Variants in EPS15L1 observed in about 807,000 individuals in gnomAD.
The protein encoded by EPS15L1 is epidermal growth factor receptor substrate 15-like 1.
Under a neutral mutation model 117.1 loss-of-function variants are expected in EPS15L1, and 43 were observed. The observed-to-expected ratio is 0.37, with a 90% CI of 0.29 to 0.47. The LOEUF (loss-of-function observed/expected upper bound fraction) is 0.47, where lower values mean the gene tolerates loss of function less well. Among genes scored for constraint, EPS15L1 ranks in the 20% least tolerant of loss-of-function variants. The pLI is 0.99. For synonymous variants in EPS15L1, 459 were observed against 470.5 expected (o/e 0.98, Z 0.32); for missense variants, 981 against 1,164.0 (o/e 0.84, Z 2.29).
At chr19:16,373,834 G>C (rs1311187635) in intron 22 of EPS15L1, among the ~76,000 whole-genome samples, 1 of 152,216 alleles carries the variant, frequency 6.6e-6, no homozygotes, top group African/African-American at 2.4e-5. Context: ...TCAGTGTTTG[G>C]ACTGTTAGAG....
At chr19:16,415,970 G>A (rs1459127082) in intron 12 of EPS15L1, among the ~76,000 whole-genome samples, 1 of 152,186 alleles carries the variant, frequency 6.6e-6, no homozygotes, top group Non-Finnish European at 1.5e-5. Flanking sequence ...ACGGCCCCCA[G>A]GAGCTGAGAC....
intron 19 of EPS15L1, among the ~76,000 whole-genome samples, chr19:16,388,655 G>A (rs543812783): frequency 2.6e-5 from 4 of 152,020 alleles, no homozygotes; most frequent in Admixed American, 6.6e-5. Flanking sequence ...GTCAAACCCC[G>A]TCTCTACTAA....
intron 11 of EPS15L1, 109 bp downstream of exon 11, chr19:16,417,839 C>T (rs892508742): frequency 6.9e-7 from 1 of 1,457,846 alleles, no homozygotes; most frequent in Admixed American, 2.0e-5. Context: ...AAGGCAGGGA[C>T]CACAGGCAGC....
In EPS15L1 at chr19:16,393,542, G is replaced by A. The variant is rs368691237; in HGVS notation, c.1966+409C>T. Among the ~76,000 whole-genome samples the A allele has an allele frequency of 1.3e-4, 19 of 151,032 alleles. No individual in the cohort carries two copies. The East Asian group carries it at 2.9e-3, about 23-fold the overall frequency. ...CGGGCGCCTGTAGTCCCAGCTACTT[G>A]GGAGGCTGAGGCAGGAGAATGGCGT... On this transcript the variant is annotated intron_variant, in intron 18 of 23. Coordinates refer to ENST00000455140, the MANE Select transcript of EPS15L1 (RefSeq NM_001258374.3).
At chr19:16,441,847 G>C (rs370451594) in intron 3 of EPS15L1, 45 bp downstream of exon 3, 13 of 1,512,108 alleles carry the variant, frequency 8.6e-6, no homozygotes, top group Admixed American at 5.2e-5. Flanking sequence ...GGGGGGAGCT[G>C]TGAGGGCAGC....
At position 16,383,102 on chromosome 19, in the gene EPS15L1, T is replaced by C. The variant is rs1255837774; in HGVS notation, c.2247+2027A>G. 1 of 152,180 alleles carries C rather than the reference T, an allele frequency of 6.6e-6. No individual in the cohort carries two copies. The highest frequency in any genetic ancestry group is 1.5e-5 in the Non-Finnish European group (1 of 68,038). 9.4% of individuals were successfully genotyped at this position (152,180 alleles called of 1,614,324 possible). On this transcript the variant is annotated intron_variant, in intron 21 of 23. Transcript: ENST00000455140. This position sits in a 1 kb window ranked among gnomAD's most constrained non-coding sequence, Gnocchi z 5.2. ...GTCAGGGTTGAGCTCAGAATGCGGC[T>C]GTACAAGTGTCATGAAGGCAGCTGA...
intron 22 of EPS15L1, among the ~76,000 whole-genome samples, chr19:16,364,869 G>A (rs568108017): frequency 1.4e-4 from 22 of 152,312 alleles, no homozygotes; most frequent in African/African-American, 3.8e-4. Flanking sequence ...CCACCAGCTC[G>A]GCTCCCTTCC....
intron 1 of EPS15L1, among the ~76,000 whole-genome samples, chr19:16,469,400 C>T (rs992216773): frequency 6.6e-6 from 1 of 151,976 alleles, no homozygotes; most frequent in Admixed American, 6.6e-5. Context: ...GAGGGGCCAC[C>T]GGTAACCTCG....
chr19:16,450,018 T>A (rs2093124456), intron 1 of EPS15L1, among the ~76,000 whole-genome samples: 1 of 150,910 alleles, frequency 6.6e-6, no homozygotes, highest in Non-Finnish European at 1.5e-5. Context: ...GGGAAGTGGG[T>A]GTGGCTATAA....
intron 16 of EPS15L1, among the ~76,000 whole-genome samples, chr19:16,397,081 T>TTTTC (rs893408806): frequency 1.3e-5 from 2 of 152,056 alleles, no homozygotes; most frequent in East Asian, 1.9e-4. Flanking sequence ...TTATGTCTAT[T>TTTTC]TTTCTTTCTT....
intron 11 of EPS15L1, 89 bp downstream of exon 11, chr19:16,417,859 C>A: frequency 6.6e-7 from 1 of 1,514,816 alleles, no homozygotes; most frequent in Non-Finnish European, 8.9e-7. Flanking sequence ...CACCCGCCAC[C>A]GTGGGCTCAT....
At chr19:16,432,567 C>CAAATAAAT (rs569246288) in intron 7 of EPS15L1, among the ~76,000 whole-genome samples, 5 of 151,140 alleles carry the variant, frequency 3.3e-5, no homozygotes, top group African/African-American at 4.9e-5. Flanking sequence ...GACTCTGTCT[C>CAAATAAAT]AAATAAATAA....
Position 16,471,900 on chromosome 19 carries a change from G to T in EPS15L1, c.33+13C>A. On this transcript the variant is annotated intron_variant, in intron 1 of 23. Transcript: ENST00000455140. The surrounding 1 kb of genome is among the most constrained non-coding windows in gnomAD (Gnocchi z 4.8). ...GCACCCCGGCGCCGCCCCCAGGCCC[G>T]CCCGGCCCGTACCTGCTGGGAGAGG... is the stretch of plus-strand genomic sequence containing the variant. The T allele has an allele frequency of 7.7e-7, 1 of 1,300,950 alleles. No homozygotes were observed. The highest frequency in any genetic ancestry group is 9.8e-7 in the Non-Finnish European group (1 of 1,023,828). The allele number at this position is 1,300,950 out of a possible 1,614,324, so 80.6% of individuals were successfully genotyped here.
At chr19:16,393,299 A>C (rs1159584599) in intron 18 of EPS15L1, among the ~76,000 whole-genome samples, 2 of 151,908 alleles carry the variant, frequency 1.3e-5, no homozygotes, top group African/African-American at 4.8e-5. Context: ...GCTCAATACC[A>C]CTGAATTGGA....
intron 22 of EPS15L1, among the ~76,000 whole-genome samples, chr19:16,369,676 A>AGTGTGTGTGTGTGTGT (rs10543332): frequency 0.033 from 4,860 of 146,042 alleles, 82 homozygotes; most frequent in African/African-American, 0.039. Flanking sequence ...AAGAAAAAAA[A>AGTGTGTGTGTGTGTGT]GTGTGTGTGT....
chr19:16,422,456 T>C (rs1427036934), intron 9 of EPS15L1, among the ~76,000 whole-genome samples: 1 of 152,068 alleles, frequency 6.6e-6, no homozygotes, highest in Admixed American at 6.6e-5. Context: ...TTTTAAACAA[T>C]CTCATAATAG....
intron 16 of EPS15L1, among the ~76,000 whole-genome samples, chr19:16,398,215 C>T (rs1034457226): frequency 2.0e-5 from 3 of 152,206 alleles, no homozygotes; most frequent in Non-Finnish European, 4.4e-5. Flanking sequence ...GCCGCTTCCT[C>T]GGCCCCCACT....
intron 21 of EPS15L1, among the ~76,000 whole-genome samples, chr19:16,377,718 G>C (rs2092313640): frequency 6.6e-6 from 1 of 152,230 alleles, no homozygotes; most frequent in African/African-American, 2.4e-5. Context: ...ACTGCCTTCA[G>C]TTAGTGATGG....
At chr19:16,396,106 TA>T (rs563093120) in intron 16 of EPS15L1, among the ~76,000 whole-genome samples, 21 of 149,252 alleles carry the variant, frequency 1.4e-4, no homozygotes, top group African/African-American at 2.2e-4. Flanking sequence ...CCTGTATCTT[TA>T]AAAAAAAAAA....
Sources: allele counts gnomAD v4.1 joint callset (sites outside exome capture counted in the v4.1 genomes callset), GRCh38; gene constraint gnomAD v4.1.1; non-coding constraint Gnocchi (gnomAD v3.1); transcripts MANE v1.5; gene names NCBI Gene and HGNC (gene_info 2026-07-23, HGNC 2026-07-21).